Variants in DEPDC5 observed in about 807,000 individuals in gnomAD.
The protein encoded by DEPDC5 is GATOR1 complex protein DEPDC5.
DEPDC5 carries 73 observed loss-of-function variants against 217.3 expected under a neutral mutation model. That is an observed-to-expected ratio of 0.34 (90% confidence interval 0.28 to 0.41). The LOEUF (loss-of-function observed/expected upper bound fraction) is 0.41, where lower values mean the gene tolerates loss of function less well. DEPDC5 is among the 10% of genes least tolerant of loss of function. DEPDC5 has a pLI of 1.00. For missense variants in DEPDC5, 1,675 were observed against 2,070.1 expected, an observed-to-expected ratio of 0.81 and a Z score of 3.70; for synonymous variants, 733 against 756.7, an observed-to-expected ratio of 0.97 and a Z score of 0.51.
At chr22:31,882,542 A>C (rs1240458411) in intron 38 of DEPDC5, among the ~76,000 whole-genome samples, 1 of 152,224 alleles carries the variant, frequency 6.6e-6, no homozygotes, top group East Asian at 1.9e-4. Context: ...TCGAACCAGC[A>C]CATAGAGCAT....
At chr22:31,762,569 G>A (rs2082485226) in intron 4 of DEPDC5, among the ~76,000 whole-genome samples, 2 of 152,136 alleles carry the variant, frequency 1.3e-5, no homozygotes, top group African/African-American at 2.4e-5. Context: ...TTTGAGACCA[G>A]CCTGACCAAC....
rs772423698 is a variant in DEPDC5, at chr22:31,906,537, A to T, written c.*40A>T. 6 of 1,567,862 alleles carry T rather than the reference A, an allele frequency of 3.8e-6. No individual in the cohort carries two copies. Among genetic ancestry groups the T allele is most frequent in the Non-Finnish European group, 4.4e-6 (5 of 1,144,840 alleles). ...TGTGCTGGGGGAAGGTGGGTGAGCCACTGCCCTCAAACCCGGGGCGGAGGA... is the reference window on the plus strand; with the variant it reads ...TGTGCTGGGGGAAGGTGGGTGAGCCTCTGCCCTCAAACCCGGGGCGGAGGA... On this transcript the variant is annotated 3_prime_UTR_variant, in exon 43 of 43. Coordinates refer to ENST00000651528, the MANE Select transcript of DEPDC5 (RefSeq NM_001242896.3). The surrounding 1 kb of genome is among the most constrained non-coding windows in gnomAD (Gnocchi z 5.1).
In DEPDC5 at chr22:31,809,796, A is replaced by G; in HGVS notation, c.1324+149A>G. On this transcript the variant is annotated intron_variant, in intron 19 of 42. Coordinates refer to ENST00000651528, the MANE Select transcript of DEPDC5 (RefSeq NM_001242896.3). ...GGAGTTCAAGACCAGCCTTGCCAAC[A>G]TGGTGAAACCCTGTCTCTACAAAAA... is the stretch of plus-strand genomic sequence containing the variant. The G allele has an allele frequency of 4.2e-6, 3 of 720,788 alleles. No homozygotes were observed. The South Asian group carries it at 4.6e-5, about 11-fold the overall frequency. The allele number at this position is 720,788 out of a possible 1,614,324, so 44.6% of individuals were successfully genotyped here. A position where few individuals can be genotyped will look rare whatever the true frequency, so the allele number is the denominator to read the frequency against.
At chr22:31,899,167 A>G (rs1284069248) in intron 40 of DEPDC5, among the ~76,000 whole-genome samples, 2 of 152,154 alleles carry the variant, frequency 1.3e-5, no homozygotes, top group African/African-American at 2.4e-5. Flanking sequence ...CTTCAAGACC[A>G]GCAGCCTCTG....
At chr22:31,874,085 G>T (rs536432581) in intron 35 of DEPDC5, 188 bp from the exon 36 acceptor site, 4 of 910,334 alleles carry the variant, frequency 4.4e-6, no homozygotes, top group South Asian at 3.6e-5. Flanking sequence ...GAGCGACCAC[G>T]CTGGGCCCCC....
intron 17 of DEPDC5, among the ~76,000 whole-genome samples, chr22:31,805,776 G>T (rs1472079090): frequency 6.6e-6 from 1 of 152,150 alleles, no homozygotes; most frequent in African/African-American, 2.4e-5. Context: ...TTGATATCAT[G>T]ATATTAGACT....
intron 18 of DEPDC5, among the ~76,000 whole-genome samples, chr22:31,808,556 TC>T (rs2087847082): frequency 6.6e-6 from 1 of 152,198 alleles, no homozygotes; most frequent in African/African-American, 2.4e-5. Context: ...TGCCTCAGCC[TC>T]CAGAGAAGCT....
At chr22:31,794,868 A>G (rs2086064179) in intron 12 of DEPDC5, among the ~76,000 whole-genome samples, 1 of 152,070 alleles carries the variant, frequency 6.6e-6, no homozygotes, top group African/African-American at 2.4e-5. Flanking sequence ...CCTGGGTGAC[A>G]TAGTGAGACC....
rs756878843 is a variant in DEPDC5 at position 31,758,617 on chromosome 22, C to G, written c.130C>G (p.Pro44Ala). ...TGGAGACATTGTAGAGATTGCACACCCCAACGATGAATACAGGTGAGTGTC... is the reference window on the plus strand; with the variant it reads ...TGGAGACATTGTAGAGATTGCACACGCCAACGATGAATACAGGTGAGTGTC... ...KLGDIVEIAH[P>A]NDEYSPLLLQ... The change falls in exon 3 of 43, where the codon CCC becomes GCC. Residue 44 changes from proline (P) to alanine (A), a missense_variant. Pro to Ala is a conservative substitution (Grantham distance 27, BLOSUM62 -1). This residue lies in a region of DEPDC5 where 628 missense variants were observed against 762.1 expected (regional missense o/e 0.82). Coordinates refer to ENST00000651528, the MANE Select transcript of DEPDC5 (RefSeq NM_001242896.3). The G allele has an allele frequency of 9.3e-6, 15 of 1,613,800 alleles. No individual in the cohort carries two copies. In the African/African-American group the frequency reaches 2.0e-4, roughly 22 times the overall value.
At chr22:31,756,174 C>T (rs956807107) in intron 2 of DEPDC5, among the ~76,000 whole-genome samples, 5 of 151,816 alleles carry the variant, frequency 3.3e-5, no homozygotes, top group South Asian at 2.1e-4. Context: ...AGAGCCACCG[C>T]GCTGGCATGA....
chr22:31,831,651 A>T (rs944473741), intron 24 of DEPDC5, among the ~76,000 whole-genome samples: 2 of 151,980 alleles, frequency 1.3e-5, no homozygotes, highest in Non-Finnish European at 2.9e-5. Flanking sequence ...AGTAGAGACG[A>T]GGTTTCACCA....
chr22:31,787,182 C>G (rs1331923829), intron 10 of DEPDC5, among the ~76,000 whole-genome samples: 2 of 151,986 alleles, frequency 1.3e-5, no homozygotes, highest in Non-Finnish European at 2.9e-5. Context: ...ACCTCCTGAG[C>G]TCAAGTGATT....
intron 1 of DEPDC5, 29 bp from the exon 2 acceptor site, chr22:31,754,833 C>G: frequency 6.7e-7 from 1 of 1,498,080 alleles, no homozygotes; most frequent in Non-Finnish European, 9.3e-7. Flanking sequence ...TCTGACATTC[C>G]AACCTTTTCG....
intron 6 of DEPDC5, among the ~76,000 whole-genome samples, chr22:31,767,585 G>A (rs2082929275): frequency 1.3e-5 from 2 of 151,674 alleles, no homozygotes; most frequent in Non-Finnish European, 2.9e-5. Context: ...GTGAGCCACC[G>A]CTCCCAGCTT....
intron 8 of DEPDC5, among the ~76,000 whole-genome samples, chr22:31,783,693 C>T (rs937191701): frequency 3.9e-5 from 6 of 151,918 alleles, no homozygotes; most frequent in African/African-American, 1.5e-4. Context: ...AAAAGAAGTC[C>T]AACATTGCAA....
At chr22:31,839,242 T>C (rs574344780) in intron 27 of DEPDC5, among the ~76,000 whole-genome samples, 8 of 152,346 alleles carry the variant, frequency 5.3e-5, no homozygotes, top group South Asian at 2.1e-4. Context: ...ACATTTGTTC[T>C]TATTTTCTTA....
intron 24 of DEPDC5, among the ~76,000 whole-genome samples, chr22:31,828,312 G>A (rs1013554016): frequency 1.2e-4 from 19 of 152,206 alleles, no homozygotes; most frequent in African/African-American, 4.3e-4. Flanking sequence ...TTAGCCAGGC[G>A]TGGTGGCGCA....
rs534954378 is a variant in DEPDC5 at position 31,861,701 on chromosome 22, C to T, written c.3330+268C>T. ...CACTGTCTGTTTCACATAGTTGTCA[C>T]TGATTCTCTGCCACTTTGCAGCATC... On this transcript the variant is annotated intron_variant, in intron 33 of 42. Transcript: ENST00000651528. Among the ~76,000 whole-genome samples the T allele has an allele frequency of 5.3e-5, 8 of 152,338 alleles. No individual in the cohort carries two copies. The South Asian group carries it at 1.7e-3, about 32-fold the overall frequency.
At chr22:31,766,071 G>C (rs1016757041) in intron 5 of DEPDC5, among the ~76,000 whole-genome samples, 2 of 152,134 alleles carry the variant, frequency 1.3e-5, no homozygotes, top group Non-Finnish European at 2.9e-5. Flanking sequence ...ATGTCATTTA[G>C]AATGTAGGCA....
Sources: gnomAD v4.1 joint callset for allele counts (sites outside exome capture counted in the v4.1 genomes callset) on GRCh38, gnomAD v4.1.1 for gene constraint, gnomAD v4.1.1 regional missense constraint, Gnocchi (gnomAD v3.1) non-coding constraint, MANE v1.5 for transcripts, NCBI Gene and HGNC (gene_info 2026-07-23, HGNC 2026-07-21) for gene names.